Variants in CYB5R2 observed in about 807,000 individuals in gnomAD.
CYB5R2 encodes the protein cytochrome b5 reductase 2.
In CYB5R2, 35 loss-of-function variants were observed where a neutral mutation model predicts 29.8. The observed-to-expected ratio is 1.17, with a 90% confidence interval of 0.90 to 1.56. The LOEUF (loss-of-function observed/expected upper bound fraction) is 1.56, where lower values mean the gene tolerates loss of function less well. Among genes scored for constraint, CYB5R2 ranks in the 40% most tolerant of loss-of-function variants. The probability of loss-of-function intolerance (pLI) is 0.00; values close to 1 mark genes in which losing one functional copy is unlikely to be tolerated. For missense variants in CYB5R2, 419 were observed against 346.7 expected, an observed-to-expected ratio of 1.21 and a Z score of -1.66; for synonymous variants, 169 against 130.6, an observed-to-expected ratio of 1.29 and a Z score of -2.01.
At chr11:7,674,048 C>T, upstream of CYB5R2, 3 of 1,186,256 alleles carry the variant, frequency 2.5e-6, no homozygotes, top group Non-Finnish European at 3.2e-6. Context: ...CTGCGCTGCC[C>T]CTCTGCATCC....
rs113894793 is a variant in CYB5R2 at position 7,666,576 on chromosome 11, G to T, written c.559-26C>A. On this transcript the variant is annotated intron_variant, in intron 7 of 8. Coordinates refer to ENST00000299498, the MANE Select transcript of CYB5R2 (RefSeq NM_016229.5). ...CTAGAAAAGAAGCAACACTGAAAAA[G>T]CCCCTCCAGGGCCATCCTCTTGTTC... 1,764 of 1,555,972 alleles carry T rather than the reference G, an allele frequency of 1.1e-3. 27 individuals carry two copies. The African/African-American group carries it at 0.021, about 19-fold the overall frequency.
chr11:7,673,801 G>T (rs910019394), upstream of CYB5R2: 4 of 987,446 alleles, frequency 4.1e-6, no homozygotes, highest in African/African-American at 7.0e-5. Flanking sequence ...TCGTGGCGTC[G>T]CCCCGCAGCT....
intron 3 of CYB5R2, 25 bp downstream of exon 3, chr11:7,672,426 T>C (rs761031257): frequency 3.7e-6 from 6 of 1,610,656 alleles, no homozygotes; most frequent in East Asian, 4.5e-5. Flanking sequence ...GCCCCAGTCC[T>C]GGTGATGACC....
At chr11:7,671,433 G>GAGAT (rs958018061) in intron 3 of CYB5R2, 1 of 152,308 alleles carries the variant, frequency 6.6e-6, no homozygotes, top group Non-Finnish European at 1.5e-5. Context: ...CAAGGCTGAG[G>GAGAT]AGATAGTGGG....
At chr11:7,670,131 G>A (rs1270879086) in intron 3 of CYB5R2, 2 of 191,158 alleles carry the variant, frequency 1.0e-5, no homozygotes, top group Non-Finnish European at 2.2e-5. Context: ...CGGGTGGATT[G>A]CTTGAGCTCA....
Position 7,665,347 on chromosome 11 carries a change from T to C in CYB5R2, c.*27A>G. On this transcript the variant is annotated 3_prime_UTR_variant, in exon 9 of 9. Transcript: ENST00000299498. ...ACTCTGAAACAGATGAAAAGGGACA[T>C]GCAAAATTGCTGAGCACGTGGAGGT... 2 of 1,478,096 alleles carry C rather than the reference T, an allele frequency of 1.4e-6. No individual in the cohort carries two copies. Among genetic ancestry groups the C allele is most frequent in the Non-Finnish European group, 9.0e-7 (1 of 1,108,144 alleles). 91.6% of individuals were successfully genotyped at this position (1,478,096 alleles called of 1,614,324 possible).
chr11:7,667,154 G>C (rs1263796363), intron 7 of CYB5R2: 2 of 152,122 alleles, frequency 1.3e-5, no homozygotes, highest in Non-Finnish European at 2.9e-5. Flanking sequence ...TTCTGTTTTA[G>C]AAAATAATCT....
intron 7 of CYB5R2, 55 bp from the exon 8 acceptor site, chr11:7,666,605 G>T: frequency 1.5e-6 from 2 of 1,320,312 alleles, no homozygotes; most frequent in Non-Finnish European, 2.2e-6. Flanking sequence ...CTTGTTCCCT[G>T]GACTGACTAC....
intron 6 of CYB5R2, 85 bp from the exon 7 acceptor site, chr11:7,667,898 C>T: frequency 9.2e-7 from 1 of 1,083,378 alleles, no homozygotes; most frequent in South Asian, 1.3e-5. Flanking sequence ...CATACCTTCC[C>T]CCAGCCCAAG....
chr11:7,673,768 C>G (rs1242830290), upstream of CYB5R2: 18 of 915,882 alleles, frequency 2.0e-5, no homozygotes, highest in Admixed American at 6.4e-5. Context: ...CCGGGGGCCG[C>G]TCCCCGCCGC....
intron 3 of CYB5R2, chr11:7,671,350 T>C (rs868389652): frequency 1.3e-5 from 2 of 152,326 alleles, no homozygotes; most frequent in East Asian, 3.9e-4. Flanking sequence ...AGCAGCGAAC[T>C]CTGAGGCCTC....
chr11:7,672,994 G>A, intron 1 of CYB5R2, 103 bp from the exon 2 acceptor site: 2 of 1,136,910 alleles, frequency 1.8e-6, no homozygotes, highest in African/African-American at 3.1e-5. Flanking sequence ...CACAGGAGCT[G>A]AGCTCTGCCT....
chr11:7,673,802 C>T (rs973572805), upstream of CYB5R2: 23 of 987,730 alleles, frequency 2.3e-5, no homozygotes, highest in Non-Finnish European at 2.6e-5. Context: ...CGTGGCGTCG[C>T]CCCGCAGCTC....
chr11:7,666,040 T>C, intron 8 of CYB5R2: 1 of 816,632 alleles, frequency 1.2e-6, no homozygotes, highest in Non-Finnish European at 2.0e-6. Context: ...CTGCAGCAGC[T>C]GTCTGGGGGC....
chr11:7,665,796 T>C, intron 8 of CYB5R2: 1 of 1,497,238 alleles, frequency 6.7e-7, no homozygotes, highest in Non-Finnish European at 8.9e-7. Context: ...CTGTCAGCAT[T>C]GACGAGGAAG....
rs1463831730 is a variant in CYB5R2 at position 7,672,389 on chromosome 11, T to TA, written c.151+61dup. The stretch of plus-strand genomic sequence containing the variant: ...GGACGTGGGAAACCTGTGTTTCTGT[T>TA]AAGAGAGGAGGGCCTAGCCCCCAGA... On this transcript the variant is annotated intron_variant, in intron 3 of 8. Transcript: ENST00000299498. 7 of 1,445,398 alleles carry TA rather than the reference T, an allele frequency of 4.8e-6. No homozygotes were observed. In the African/African-American group the frequency reaches 9.8e-5, roughly 20 times the overall value. The allele number at this position is 1,445,398 out of a possible 1,614,324, so 89.5% of individuals were successfully genotyped here. A position where few individuals can be genotyped will look rare whatever the true frequency, so the allele number is the denominator to read the frequency against.
intron 7 of CYB5R2, 65 bp downstream of exon 7, chr11:7,667,663 A>T: frequency 1.4e-6 from 2 of 1,442,750 alleles, no homozygotes; most frequent in African/African-American, 2.8e-5. Flanking sequence ...TGCAGGAGAA[A>T]TGAAAACAAG....
intron 6 of CYB5R2, among the ~76,000 whole-genome samples, 193 bp from the exon 7 acceptor site, chr11:7,668,006 C>T (rs1855436874): frequency 6.6e-6 from 1 of 152,222 alleles, no homozygotes. Context: ...GGTAGTCTTT[C>T]TCATTTTCAT....
rs745507305 is a variant in CYB5R2, at chr11:7,669,290, C to A, written c.303G>T (p.Lys101Asn). The change falls in exon 5 of 9, where the codon AAG becomes AAT. Residue 101 changes from lysine (K) to asparagine (N), a missense_variant. By Grantham distance (94) the Lys-to-Asn change is moderately conservative (BLOSUM62 0). Transcript: ENST00000299498. ...TCATGTTCTCCAAATACTGAGTCAT[C>A]TTCCCACCTTCAGGATATTGGGGGT... ...NVHPQYPEGG[K>N]MTQYLENMKI... 1 of 1,614,160 alleles carries A rather than the reference C, an allele frequency of 6.2e-7. No individual in the cohort carries two copies. Among genetic ancestry groups the A allele is most frequent in the Non-Finnish European group, 8.5e-7 (1 of 1,179,998 alleles).
Sources: allele counts gnomAD v4.1 joint callset (sites outside exome capture counted in the v4.1 genomes callset), GRCh38; gene constraint gnomAD v4.1.1; transcripts MANE v1.5; gene names NCBI Gene and HGNC (gene_info 2026-07-23, HGNC 2026-07-21).